The following G3BP1 variants were observed in gnomAD, a reference collection of about 807,000 sequenced individuals.
The protein encoded by G3BP1 is ras GTPase-activating protein-binding protein 1.
In G3BP1, 35 loss-of-function variants were observed where a neutral mutation model predicts 58.6. The observed-to-expected ratio is 0.60, with a 90% confidence interval of 0.46 to 0.79. G3BP1 has a LOEUF of 0.79. G3BP1 is among the 30% of genes least tolerant of loss of function. The pLI is 0.00. For missense variants in G3BP1, 523 were observed against 580.8 expected, an observed-to-expected ratio of 0.90 and a Z score of 1.02; for synonymous variants, 191 against 195.4, an observed-to-expected ratio of 0.98 and a Z score of 0.19.
intron 11 of G3BP1, among the ~76,000 whole-genome samples, chr5:151,802,483 T>C (rs915880795): frequency 3.3e-5 from 5 of 152,228 alleles, no homozygotes; most frequent in Non-Finnish European, 5.9e-5. Flanking sequence ...TCAAAGCTTA[T>C]TTTTCCCTGG....
rs1762930362 is a variant in G3BP1 at position 151,805,714 on chromosome 5, G to A, written c.*1623G>A. The A allele has an allele frequency of 6.6e-6, 1 of 152,176 alleles. No homozygotes were observed. Among genetic ancestry groups the A allele is most frequent in the African/African-American group, 2.4e-5 (1 of 41,438 alleles). 9.4% of individuals were successfully genotyped at this position (152,176 alleles called of 1,614,324 possible). ...TAAACTTAATGTAACTGAATCACAT[G>A]GCTTTTTTGTAGGGTTAAAGTAACT... On this transcript the variant is annotated 3_prime_UTR_variant, in exon 12 of 12. Coordinates refer to ENST00000356245, the MANE Select transcript of G3BP1 (RefSeq NM_005754.3).
In G3BP1 at chr5:151,804,337, CAAAAA is replaced by C. The variant is rs140252175; in HGVS notation, c.*251_*255del. 1 of 335,054 alleles carries C rather than the reference CAAAAA, an allele frequency of 3.0e-6. No homozygotes were observed. The highest frequency in any genetic ancestry group is 5.3e-6 in the Non-Finnish European group (1 of 188,464). 20.8% of individuals were successfully genotyped at this position (335,054 alleles called of 1,614,324 possible). On this transcript the variant is annotated 3_prime_UTR_variant, in exon 12 of 12. Coordinates refer to ENST00000356245, the MANE Select transcript of G3BP1 (RefSeq NM_005754.3). ...TAGGAATAACGGACTTTTAAAGAAG[CAAAAA>C]AAAAGACTGAATTTCCTTGCTTACT...
chr5:151,790,433 T>G, intron 3 of G3BP1, 29 bp downstream of exon 3: 1 of 1,248,962 alleles, frequency 8.0e-7, no homozygotes, highest in South Asian at 1.4e-5. Context: ...ATTTAGGCTG[T>G]TAAGCAGGTA....
intron 1 of G3BP1, chr5:151,772,739 C>T (rs2113208913): frequency 6.6e-6 from 1 of 152,364 alleles, no homozygotes. Context: ...CAGGCACGCA[C>T]GGGAAGGGCG....
chr5:151,782,761 T>C (rs1316955488), intron 1 of G3BP1, among the ~76,000 whole-genome samples: 1 of 151,488 alleles, frequency 6.6e-6, no homozygotes, highest in African/African-American at 2.4e-5. Context: ...AAAAAATTAT[T>C]CCCCCCCAGA....
chr5:151,774,345 T>G (rs1181414656), intron 1 of G3BP1, among the ~76,000 whole-genome samples: 1 of 150,690 alleles, frequency 6.6e-6, no homozygotes, highest in Non-Finnish European at 1.5e-5. Context: ...AACTTATGGT[T>G]TTTTTTTTTC....
chr5:151,789,961 A>G (rs1333388709), intron 2 of G3BP1, among the ~76,000 whole-genome samples: 1 of 152,146 alleles, frequency 6.6e-6, no homozygotes, highest in East Asian at 1.9e-4. Flanking sequence ...GAATTGCTTG[A>G]GTTTGAGTTC....
chr5:151,803,840 C>T (rs377188410), intron 11 of G3BP1, 45 bp from the exon 12 acceptor site: 56 of 1,257,538 alleles, frequency 4.5e-5, no homozygotes, highest in Non-Finnish European at 6.3e-5. Flanking sequence ...ATAGTGATAG[C>T]CAGCTCATCA....
chr5:151,772,997 G>A (rs1762300347), intron 1 of G3BP1, among the ~76,000 whole-genome samples: 1 of 152,206 alleles, frequency 6.6e-6, no homozygotes. Flanking sequence ...TACAGGCCCT[G>A]GGTAGATGTG....
At position 151,807,679 on chromosome 5, in the gene G3BP1, A is replaced by G. The variant is rs148244624; in HGVS notation, c.*3588A>G. On this transcript the variant is annotated 3_prime_UTR_variant, in exon 12 of 12. Transcript: ENST00000356245. ...TTTATAGAATTTGTGTTTTGTGCTT[A>G]TAAACTGTCACCTTCTGATACTTTT... 31 of 152,312 alleles carry G rather than the reference A, an allele frequency of 2.0e-4. No individual in the cohort carries two copies. The highest frequency in any genetic ancestry group is 7.5e-4 in the African/African-American group (31 of 41,576). The allele number at this position is 152,312 out of a possible 1,614,324, so 9.4% of individuals were successfully genotyped here.
intron 1 of G3BP1, among the ~76,000 whole-genome samples, chr5:151,776,747 T>C (rs891747422): frequency 2.6e-5 from 4 of 152,006 alleles, no homozygotes; most frequent in African/African-American, 7.2e-5. Context: ...TTGATTATTA[T>C]TTATTTTATA....
chr5:151,784,668 A>AT (rs1439094486), intron 1 of G3BP1, among the ~76,000 whole-genome samples: 5 of 152,014 alleles, frequency 3.3e-5, no homozygotes, highest in East Asian at 1.9e-4. Context: ...TAGCACTTAG[A>AT]TTTTTTTTAA....
Position 151,792,939 on chromosome 5 carries a change from T to C in G3BP1, c.352-1220T>C, listed in dbSNP as rs78061571. 6.6e-5 allele frequency among the ~76,000 whole-genome samples: 10 copies of C among 152,110 alleles called. No individual in the cohort carries two copies. In the East Asian group the frequency reaches 1.9e-3, roughly 29 times the overall value. ...TGGTACCTTTCTTTTTACAGAGGAG[T>C]AACAGCCTTAGAAACTGAATAACTC... is the stretch of plus-strand genomic sequence containing the variant. On this transcript the variant is annotated intron_variant, in intron 4 of 11. Coordinates refer to ENST00000356245, the MANE Select transcript of G3BP1 (RefSeq NM_005754.3).
At chr5:151,772,233 C>T (rs1268507015) in intron 1 of G3BP1, 197 bp downstream of exon 1, 3 of 150,680 alleles carry the variant, frequency 2.0e-5, no homozygotes, top group Admixed American at 2.0e-4. Flanking sequence ...GCTCCCGTCC[C>T]GGCTGGGGCG....
intron 2 of G3BP1, among the ~76,000 whole-genome samples, chr5:151,789,994 T>A (rs945479036): frequency 6.6e-6 from 1 of 151,896 alleles, no homozygotes; most frequent in Non-Finnish European, 1.5e-5. Context: ...GGCAACATAG[T>A]TGACCTTATC....
At chr5:151,801,458 G>C (rs191849755) in intron 11 of G3BP1, among the ~76,000 whole-genome samples, 112 of 152,260 alleles carry the variant, frequency 7.4e-4, no homozygotes, top group Non-Finnish European at 1.3e-3. Context: ...ACTACTTTTT[G>C]TAGTAGTAGA....
At chr5:151,788,742 T>C (rs1478647985) in intron 2 of G3BP1, among the ~76,000 whole-genome samples, 1 of 151,894 alleles carries the variant, frequency 6.6e-6, no homozygotes, top group Non-Finnish European at 1.5e-5. Flanking sequence ...GCCTCCTGAG[T>C]AGCTGGGACT....
chr5:151,773,358 A>T (rs576459591), intron 1 of G3BP1, among the ~76,000 whole-genome samples: 1 of 152,190 alleles, frequency 6.6e-6, no homozygotes, highest in Non-Finnish European at 1.5e-5. Flanking sequence ...GGAGCGTGTC[A>T]TGCTGGATGA....
chr5:151,809,384 T>A lies in G3BP1; in HGVS notation c.*5293T>A, dbSNP rs975285803. 3 of 152,202 alleles carry A rather than the reference T, an allele frequency of 2.0e-5. No homozygotes were observed. Among genetic ancestry groups the A allele is most frequent in the Non-Finnish European group, 4.4e-5 (3 of 68,040 alleles). 9.4% of individuals were successfully genotyped at this position (152,202 alleles called of 1,614,324 possible). A position where few individuals can be genotyped will look rare whatever the true frequency, so the allele number is the denominator to read the frequency against. On this transcript the variant is annotated 3_prime_UTR_variant, in exon 12 of 12. Coordinates refer to ENST00000356245, the MANE Select transcript of G3BP1 (RefSeq NM_005754.3). ...TTTTGAAAAATCATTTGGTGCATGC[T>A]AAGGTAGCTTGTAGGACATGTGGTT...
Sources: gnomAD v4.1 joint callset for allele counts (sites outside exome capture counted in the v4.1 genomes callset) on GRCh38, gnomAD v4.1.1 for gene constraint, MANE v1.5 for transcripts, NCBI Gene and HGNC (gene_info 2026-07-23, HGNC 2026-07-21) for gene names.